Variants in ROR1 observed in about 807,000 individuals in gnomAD.
ROR1 encodes the protein inactive tyrosine-protein kinase transmembrane receptor ROR1.
ROR1 carries 19 observed loss-of-function variants against 78.8 expected under a neutral mutation model. The observed-to-expected ratio is 0.24, with a 90% CI of 0.17 to 0.35. The LOEUF is 0.35. Ranked by LOEUF, ROR1 falls within the 10% of genes least tolerant of loss-of-function variation. The pLI is 1.00. For missense variants in ROR1, 917 were observed against 1,177.8 expected, an observed-to-expected ratio of 0.78 and a Z score of 3.24; for synonymous variants, 386 against 433.6, an observed-to-expected ratio of 0.89 and a Z score of 1.36.
intron 1 of ROR1, among the ~76,000 whole-genome samples, chr1:64,002,131 CTTTTTTT>C: frequency 9.4e-6 from 1 of 105,984 alleles, no homozygotes. Flanking sequence ...CCAGTTCAAC[CTTTTTTT>C]TTTTTTTTTT....
chr1:64,004,120 G>A (rs1646409199), intron 1 of ROR1, among the ~76,000 whole-genome samples: 1 of 152,186 alleles, frequency 6.6e-6, no homozygotes, highest in Non-Finnish European at 1.5e-5. Context: ...TTCCTTTTGA[G>A]CCACCTCTAA....
intron 1 of ROR1, among the ~76,000 whole-genome samples, chr1:63,811,632 G>T (rs564025613): frequency 6.6e-6 from 1 of 152,264 alleles, no homozygotes; most frequent in East Asian, 1.9e-4. Context: ...GGGACTGGAG[G>T]TGTGGTTAGC....
At chr1:63,865,192 T>C (rs951876769) in intron 1 of ROR1, among the ~76,000 whole-genome samples, 8 of 152,224 alleles carry the variant, frequency 5.3e-5, no homozygotes, top group Non-Finnish European at 1.0e-4. Flanking sequence ...TTATTTGTAT[T>C]ACCTGTTTGG....
chr1:63,934,002 G>A (rs1645774669), intron 1 of ROR1, among the ~76,000 whole-genome samples: 1 of 152,204 alleles, frequency 6.6e-6, no homozygotes, highest in African/African-American at 2.4e-5. Context: ...GCTGGGCTCT[G>A]TCTCAGATTT....
intron 8 of ROR1, among the ~76,000 whole-genome samples, chr1:64,170,583 G>C (rs1056260760): frequency 6.6e-6 from 1 of 152,110 alleles, no homozygotes; most frequent in Admixed American, 6.5e-5. Context: ...TTAACATTTG[G>C]CTTCTCATTA....
chr1:64,037,674 T>C (rs976415526), intron 2 of ROR1, among the ~76,000 whole-genome samples: 1 of 152,074 alleles, frequency 6.6e-6, no homozygotes, highest in Non-Finnish European at 1.5e-5. Context: ...TGAATAGGGG[T>C]TTAGGATGTT....
intron 1 of ROR1, among the ~76,000 whole-genome samples, chr1:63,867,531 A>C (rs1645223828): frequency 6.6e-6 from 1 of 152,232 alleles, no homozygotes; most frequent in Non-Finnish European, 1.5e-5. Context: ...GGGAAAAATT[A>C]ACCTATTTTG....
At chr1:63,897,376 A>G (rs1355480200) in intron 1 of ROR1, among the ~76,000 whole-genome samples, 6 of 152,190 alleles carry the variant, frequency 3.9e-5, no homozygotes, top group Non-Finnish European at 1.5e-5. Context: ...GAATAAGACA[A>G]CCCTTGCCAT....
chr1:63,873,970 G>A (rs61765138), intron 1 of ROR1, among the ~76,000 whole-genome samples: 33 of 152,104 alleles, frequency 2.2e-4, no homozygotes, highest in Non-Finnish European at 4.1e-4. Context: ...GTGAGAGACC[G>A]CTACTGCTGT....
intron 1 of ROR1, among the ~76,000 whole-genome samples, chr1:63,921,412 G>A (rs991055238): frequency 2.6e-5 from 4 of 152,050 alleles, no homozygotes; most frequent in African/African-American, 9.7e-5. Flanking sequence ...CCAAGTAAAT[G>A]GCAGAGGAAA....
At chr1:63,991,342 C>T (rs931644510) in intron 1 of ROR1, among the ~76,000 whole-genome samples, 3 of 152,146 alleles carry the variant, frequency 2.0e-5, no homozygotes, top group Non-Finnish European at 4.4e-5. Flanking sequence ...TCTACATTAA[C>T]CACTCAGAAC....
At chr1:63,904,238 A>G (rs577086449) in intron 1 of ROR1, among the ~76,000 whole-genome samples, 13 of 152,290 alleles carry the variant, frequency 8.5e-5, no homozygotes, top group African/African-American at 2.9e-4. Context: ...GAATTTAGAC[A>G]TCATCTAGTG....
intron 4 of ROR1, among the ~76,000 whole-genome samples, chr1:64,084,563 C>T (rs182359861): frequency 5.1e-4 from 77 of 152,300 alleles, no homozygotes; most frequent in South Asian, 1.5e-3. Context: ...ATGACAAAAT[C>T]CATGGCATTT....
chr1:64,072,534 AAGC>A (rs1291312460), intron 4 of ROR1, among the ~76,000 whole-genome samples: 3 of 152,188 alleles, frequency 2.0e-5, no homozygotes, highest in African/African-American at 7.2e-5. Context: ...GGCAAATGAA[AAGC>A]AGGATATTGT....
At chr1:63,794,159 C>T (rs777741145) in intron 1 of ROR1, among the ~76,000 whole-genome samples, 6 of 152,146 alleles carry the variant, frequency 3.9e-5, no homozygotes, top group Non-Finnish European at 8.8e-5. Context: ...ATATGGGCTC[C>T]GAGAGTCAGC....
At chr1:63,988,339 T>A (rs1284234928) in intron 1 of ROR1, among the ~76,000 whole-genome samples, 2 of 152,198 alleles carry the variant, frequency 1.3e-5, no homozygotes, top group Non-Finnish European at 2.9e-5. Flanking sequence ...TCGGAAGAGA[T>A]CTCAGAATTC....
intron 4 of ROR1, among the ~76,000 whole-genome samples, chr1:64,058,311 C>A (rs1213889512): frequency 6.6e-6 from 1 of 151,836 alleles, no homozygotes; most frequent in Admixed American, 6.6e-5. Context: ...AATTTGGGTG[C>A]CATTTACTTA....
chr1:63,902,309 T>C (rs553482150), intron 1 of ROR1, among the ~76,000 whole-genome samples: 1 of 152,066 alleles, frequency 6.6e-6, no homozygotes, highest in African/African-American at 2.4e-5. Context: ...CAGACCCTAG[T>C]AGACAATAAC....
chr1:64,132,244 A>G (rs11208361), intron 4 of ROR1, among the ~76,000 whole-genome samples: 79,393 of 151,908 alleles, frequency 0.52, 20,924 homozygotes, highest in East Asian at 0.62. Flanking sequence ...TTCATTTTTC[A>G]TGGCTGAATA....
Sources: gnomAD v4.1 joint callset for allele counts (sites outside exome capture counted in the v4.1 genomes callset) on GRCh38, gnomAD v4.1.1 for gene constraint, MANE v1.5 for transcripts, NCBI Gene and HGNC (gene_info 2026-07-23, HGNC 2026-07-21) for gene names.